Variants in CSMD1 observed in about 807,000 individuals in gnomAD.
CSMD1 encodes the protein CUB and Sushi multiple domains 1.
In CSMD1, 213 loss-of-function variants were observed where a neutral mutation model predicts 417.5. The ratio of observed to expected loss-of-function variants is 0.51; its 90% CI spans 0.46 to 0.57. The LOEUF (loss-of-function observed/expected upper bound fraction) is 0.57, where lower values mean the gene tolerates loss of function less well. Among genes scored for constraint, CSMD1 ranks in the 20% least tolerant of loss-of-function variants. The probability of loss-of-function intolerance (pLI) is 0.00; values close to 1 mark genes in which losing one functional copy is unlikely to be tolerated. For synonymous variants in CSMD1, 2,862 were observed against 1,736.8 expected (o/e 1.65, Z -16.11); for missense variants, 6,923 against 4,529.7 (o/e 1.53, Z -15.17).
At chr8:3,928,278 A>G (rs989336795) in intron 5 of CSMD1, among the ~76,000 whole-genome samples, 3 of 152,218 alleles carry the variant, frequency 2.0e-5, no homozygotes, top group African/African-American at 4.8e-5. Flanking sequence ...TGTGATATAA[A>G]TGTTACATTG....
At chr8:3,801,295 A>G (rs1800444648) in intron 5 of CSMD1, among the ~76,000 whole-genome samples, 1 of 152,162 alleles carries the variant, frequency 6.6e-6, no homozygotes, top group African/African-American at 2.4e-5. Flanking sequence ...AAAAATTGGG[A>G]AAAAGATTTA....
chr8:4,276,932 G>C (rs1326910822), intron 3 of CSMD1, among the ~76,000 whole-genome samples: 1 of 152,090 alleles, frequency 6.6e-6, no homozygotes, highest in Non-Finnish European at 1.5e-5. Context: ...TTTCAAAGTA[G>C]CCTGTGTATG....
At chr8:3,182,061 T>C (rs1821366551) in intron 36 of CSMD1, among the ~76,000 whole-genome samples, 1 of 152,222 alleles carries the variant, frequency 6.6e-6, no homozygotes, top group African/African-American at 2.4e-5. Context: ...CAAAGAACTA[T>C]CCATTGTGTA....
chr8:3,762,420 G>C (rs540840947), intron 5 of CSMD1, among the ~76,000 whole-genome samples: 6 of 152,150 alleles, frequency 3.9e-5, no homozygotes, highest in Non-Finnish European at 8.8e-5. Context: ...CTCCTGACAC[G>C]CCAGACTTAC....
rs74911119 is a variant in CSMD1, at chr8:4,915,809, T to C, written c.85+78523A>G. ...CACTTGATGCATAGAATACTTGGCATCTTGGCCACACGGAGACCCATCTGT... is the reference window on the plus strand; with the variant it reads ...CACTTGATGCATAGAATACTTGGCACCTTGGCCACACGGAGACCCATCTGT... On this transcript the variant is annotated intron_variant, in intron 1 of 69. Transcript: ENST00000635120. Among the ~76,000 whole-genome samples, 461 of 152,358 alleles carry C rather than the reference T, an allele frequency of 3.0e-3. 11 individuals carry two copies. In the East Asian group the frequency reaches 0.072, roughly 24 times the overall value.
intron 5 of CSMD1, among the ~76,000 whole-genome samples, chr8:3,979,621 G>C (rs936687770): frequency 1.3e-5 from 2 of 152,202 alleles, no homozygotes; most frequent in Non-Finnish European, 2.9e-5. Flanking sequence ...TATAAAAAGA[G>C]GAAGAGATTC....
intron 3 of CSMD1, among the ~76,000 whole-genome samples, chr8:4,318,742 T>A (rs1225640175): frequency 6.7e-6 from 1 of 150,264 alleles, no homozygotes; most frequent in African/African-American, 2.4e-5. Context: ...CTCTCTGTAC[T>A]GGTTGTACAG....
chr8:4,331,471 T>A (rs1247581720), intron 3 of CSMD1, among the ~76,000 whole-genome samples: 1 of 151,484 alleles, frequency 6.6e-6, no homozygotes, highest in Non-Finnish European at 1.5e-5. Context: ...GCCAGCCTTC[T>A]TTTGGGTTTT....
intron 25 of CSMD1, among the ~76,000 whole-genome samples, chr8:3,299,969 G>T (rs558589050): frequency 6.6e-6 from 1 of 152,270 alleles, no homozygotes; most frequent in Non-Finnish European, 1.5e-5. Context: ...AGCAAATGCA[G>T]CTCTAGAAAT....
intron 33 of CSMD1, among the ~76,000 whole-genome samples, chr8:3,194,297 G>C (rs1012739654): frequency 6.6e-6 from 1 of 152,034 alleles, no homozygotes; most frequent in African/African-American, 2.4e-5. Context: ...TGCCTGCCCA[G>C]AAATAACCTC....
intron 7 of CSMD1, among the ~76,000 whole-genome samples, chr8:3,687,412 G>T (rs1799994948): frequency 6.6e-6 from 1 of 152,194 alleles, no homozygotes; most frequent in Non-Finnish European, 1.5e-5. Flanking sequence ...CTAATTTTAG[G>T]CTGGAAAACT....
chr8:4,471,517 G>C (rs1009103473), intron 2 of CSMD1, among the ~76,000 whole-genome samples: 2 of 152,192 alleles, frequency 1.3e-5, no homozygotes, highest in East Asian at 3.9e-4. Flanking sequence ...GTGGTCACAG[G>C]ACGGCACTTC....
intron 1 of CSMD1, among the ~76,000 whole-genome samples, chr8:4,665,389 A>C (rs1804856055): frequency 6.6e-6 from 1 of 152,214 alleles, no homozygotes. Context: ...GAACGGGTCC[A>C]TGAGTCGTGA....
Position 3,965,593 on chromosome 8 carries a change from G to A in CSMD1, c.818+32310C>T, listed in dbSNP as rs566805210. ...TCCAGGCCTTAGTGTTAATGGTTATGATTTTTTAAAATTTCTTTTTATTTA... is the reference window on the plus strand; with the variant it reads ...TCCAGGCCTTAGTGTTAATGGTTATAATTTTTTAAAATTTCTTTTTATTTA... On this transcript the variant is annotated intron_variant, in intron 5 of 69. Transcript: ENST00000635120. 9.2e-5 allele frequency among the ~76,000 whole-genome samples: 14 copies of A among 152,094 alleles called. No individual in the cohort carries two copies. In the South Asian group the frequency reaches 2.9e-3, roughly 32 times the overall value.
At chr8:4,201,182 G>A (rs1002978251) in intron 3 of CSMD1, among the ~76,000 whole-genome samples, 1 of 152,182 alleles carries the variant, frequency 6.6e-6, no homozygotes, top group South Asian at 2.1e-4. Context: ...GTACTGTTGT[G>A]TATGCAGAGG....
Position 2,962,617 on chromosome 8 carries a change from G to A in CSMD1, c.9477C>T (p.Gly3159=). The change falls in exon 61 of 70, where the codon GGC becomes GGT. Residue 3159 remains glycine (G), a synonymous_variant. Coordinates refer to ENST00000635120, the MANE Select transcript of CSMD1 (RefSeq NM_033225.6). ...CACTAAGTCGCCCTTCTGCGGGGATGCCAGGGTCTCCGCAGAACACAGCTA... is the reference window on the plus strand; with the variant it reads ...CACTAAGTCGCCCTTCTGCGGGGATACCAGGGTCTCCGCAGAACACAGCTA... ...QCLPVFCGDP[G]IPAEGRLSGK... 6.2e-7 allele frequency: 1 copy of A among 1,613,790 alleles called. No individual in the cohort carries two copies. Among genetic ancestry groups the A allele is most frequent in the South Asian group, 1.1e-5 (1 of 91,046 alleles).
intron 1 of CSMD1, among the ~76,000 whole-genome samples, chr8:4,881,945 C>T (rs979805005): frequency 6.6e-6 from 1 of 151,904 alleles, no homozygotes; most frequent in East Asian, 1.9e-4. Context: ...GGAGAATCAG[C>T]TTCATGCAAT....
chr8:4,547,845 T>G (rs150691975), intron 2 of CSMD1, among the ~76,000 whole-genome samples: 1 of 152,214 alleles, frequency 6.6e-6, no homozygotes, highest in Non-Finnish European at 1.5e-5. Context: ...GTTTTGTTGT[T>G]GTTGCACGGG....
At chr8:3,996,053 T>G (rs756676035) in intron 5 of CSMD1, among the ~76,000 whole-genome samples, 1 of 152,140 alleles carries the variant, frequency 6.6e-6, no homozygotes, top group Non-Finnish European at 1.5e-5. Context: ...GCTACAATGG[T>G]CCCATCAACT....
Sources: gnomAD v4.1 joint callset for allele counts (sites outside exome capture counted in the v4.1 genomes callset) on GRCh38, gnomAD v4.1.1 for gene constraint, MANE v1.5 for transcripts, NCBI Gene and HGNC (gene_info 2026-07-23, HGNC 2026-07-21) for gene names.